The following LYSMD3 variants were observed in gnomAD, a reference collection of about 807,000 sequenced individuals.
LYSMD3 encodes the protein lysM and putative peptidoglycan-binding domain-containing protein 3.
A neutral mutation model predicts 26.1 loss-of-function variants in LYSMD3; 13 were observed. That is an observed-to-expected ratio of 0.50 (90% CI 0.32 to 0.79). The LOEUF (loss-of-function observed/expected upper bound fraction) is 0.79, where lower values mean the gene tolerates loss of function less well. Ranked by LOEUF, LYSMD3 falls within the 30% of genes least tolerant of loss-of-function variation. The pLI, the probability that LYSMD3 is intolerant of heterozygous loss-of-function variation, is 0.03. For missense variants in LYSMD3, 331 were observed against 362.5 expected (o/e 0.91, Z 0.71); for synonymous variants, 109 against 119.4 (o/e 0.91, Z 0.57).
Position 90,525,104 on chromosome 5 carries a change from A to C in LYSMD3, c.186T>G (p.Ile62Met), listed in dbSNP as rs1206019883. ...CTTGTATATCTTTTGTTAATACTAT[A>C]ATGTCGTCAAGTCTATCTCTTGATG... ...RSTSRDRLDD[I>M]IVLTKDIQEG... The change falls in exon 2 of 3, where the codon ATT (isoleucine) becomes ATG (methionine). Residue 62 changes from isoleucine (I) to methionine (M), a missense_variant. By Grantham distance (10) the Ile-to-Met change is conservative. Transcript: ENST00000315948. 6.2e-7 allele frequency: 1 copy of C among 1,613,768 alleles called. No individual in the cohort carries two copies. Among genetic ancestry groups the C allele is most frequent in the South Asian group, 1.1e-5 (1 of 91,050 alleles).
In LYSMD3 at chr5:90,519,339, G is replaced by A. The variant is rs747603785; in HGVS notation, c.401C>T (p.Ser134Phe). The change falls in exon 3 of 3, where the codon TCT becomes TTT. Residue 134 changes from serine to phenylalanine, a missense_variant. Around this residue, in one of 3 missense-constraint regions of LYSMD3, gnomAD observed 262 missense variants for 267.3 expected, o/e 0.98. Transcript: ENST00000315948. ...CTGTTGTTCGGAAGAGTATTGAACA[G>A]ATGAATGACGTGAAGTCTGTCTTCC... ...PKGRQTSRHS[S>F]VQYSSEQQEI... is the part of the protein sequence containing the mutation. 3 of 1,613,982 alleles carry A rather than the reference G, an allele frequency of 1.9e-6. No homozygotes were observed. The African/African-American group carries it at 4.0e-5, about 22-fold the overall frequency.
chr5:90,524,532 A>T (rs2151921990), intron 2 of LYSMD3, among the ~76,000 whole-genome samples: 1 of 152,390 alleles, frequency 6.6e-6, no homozygotes, highest in South Asian at 2.1e-4. Flanking sequence ...AAATACACAG[A>T]AATTCAAGTA....
chr5:90,519,321 T>C lies in LYSMD3; in HGVS notation c.419A>G (p.Glu140Gly). Residue 140 changes from glutamate (E) to glycine (G), a missense_variant, in exon 3 of 3, where the codon GAA (glutamate) becomes GGA (glycine). By Grantham distance (98) the Glu-to-Gly change is moderately conservative (BLOSUM62 -2). Around this residue, in one of 3 missense-constraint regions of LYSMD3, gnomAD observed 262 missense variants for 267.3 expected, o/e 0.98. Coordinates refer to ENST00000315948, the MANE Select transcript of LYSMD3 (RefSeq NM_198273.2). ...ATTAGCTGGCAAAATTTCCTGTTGT[T>C]CGGAAGAGTATTGAACAGATGAATG... is the stretch of plus-strand genomic sequence containing the variant. ...SRHSSVQYSS[E>G]QQEILPANDS... 1 of 1,614,134 alleles carries C rather than the reference T, an allele frequency of 6.2e-7. No individual in the cohort carries two copies. Among genetic ancestry groups the C allele is most frequent in the Non-Finnish European group, 8.5e-7 (1 of 1,180,010 alleles).
intron 2 of LYSMD3, among the ~76,000 whole-genome samples, chr5:90,519,761 T>C (rs2151920781): frequency 6.6e-6 from 1 of 152,248 alleles, no homozygotes; most frequent in Non-Finnish European, 1.5e-5. Flanking sequence ...AATCCTTTGC[T>C]GCTTCCCTTT....
intron 2 of LYSMD3, among the ~76,000 whole-genome samples, chr5:90,522,895 G>T (rs934809750): frequency 6.6e-6 from 1 of 152,032 alleles, no homozygotes; most frequent in Non-Finnish European, 1.5e-5. Flanking sequence ...CACCTCATTG[G>T]AAATATGACC....
At chr5:90,524,469 A>G (rs1215535373) in intron 2 of LYSMD3, among the ~76,000 whole-genome samples, 2 of 152,244 alleles carry the variant, frequency 1.3e-5, no homozygotes, top group African/African-American at 4.8e-5. Context: ...TACCATTTGA[A>G]TAAGAAGATA....
chr5:90,527,020 G>A (rs923139692), intron 1 of LYSMD3: 17 of 152,124 alleles, frequency 1.1e-4, no homozygotes, highest in African/African-American at 4.1e-4. Flanking sequence ...TATGGATAAG[G>A]AGTGTCCAGA....
intron 2 of LYSMD3, chr5:90,520,280 T>C (rs1753056271): frequency 4.9e-6 from 2 of 410,246 alleles, no homozygotes; most frequent in South Asian, 3.6e-5. Flanking sequence ...GTCTGGCAGA[T>C]TACCAATTGG....
At chr5:90,521,479 T>G (rs916513936) in intron 2 of LYSMD3, among the ~76,000 whole-genome samples, 4 of 151,940 alleles carry the variant, frequency 2.6e-5, no homozygotes, top group African/African-American at 9.7e-5. Flanking sequence ...TATCTTGCAA[T>G]GTATGTGTGG....
intron 2 of LYSMD3, among the ~76,000 whole-genome samples, chr5:90,522,432 C>G (rs1753116273): frequency 6.6e-6 from 1 of 152,190 alleles, no homozygotes; most frequent in African/African-American, 2.4e-5. Context: ...CATTTAAGTA[C>G]TTTTCATCAT....
intron 2 of LYSMD3, among the ~76,000 whole-genome samples, chr5:90,523,944 G>A (rs1374032750): frequency 6.6e-6 from 1 of 152,094 alleles, no homozygotes; most frequent in Non-Finnish European, 1.5e-5. Context: ...TAATGACACA[G>A]AGAGAAAATG....
Position 90,517,711 on chromosome 5 carries a change from TA to T in LYSMD3, c.*1107del, listed in dbSNP as rs2151920164. 2 of 152,380 alleles carry T rather than the reference TA, an allele frequency of 1.3e-5. No individual in the cohort carries two copies. The highest frequency in any genetic ancestry group is 4.1e-4 in the South Asian group (2 of 4,824). 9.4% of individuals were successfully genotyped at this position (152,380 alleles called of 1,614,324 possible). On this transcript the variant is annotated 3_prime_UTR_variant, in exon 3 of 3. Transcript: ENST00000315948. ...AAACAGAGGTTAAGGGATTACTAAA[TA>T]ATTTGTCTGTTACTGCTAATATAAA...
rs1753017643 is a variant in LYSMD3 at position 90,518,958 on chromosome 5, G to T, written c.782C>A (p.Ser261Ter). Residue 261 changes from serine (S) to a stop codon, truncating the protein, a stop_gained, in exon 3 of 3, where the codon TCA becomes TAA. Transcript: ENST00000315948. LOFTEE classifies it high-confidence loss of function. ...CTGCTGTGATGGGGGTGTGATTTTT[G>T]AATGTAAATGTGAAGAGTCCACTGT... is the stretch of plus-strand genomic sequence containing the variant. ...HSTVDSSHLH[S>*]KITPPSQQRE... is the part of the protein sequence containing the mutation. 2 of 1,613,952 alleles carry T rather than the reference G, an allele frequency of 1.2e-6. No homozygotes were observed. The highest frequency in any genetic ancestry group is 1.1e-5 in the South Asian group (1 of 91,078).
Position 90,519,343 on chromosome 5 carries a change from A to C in LYSMD3, c.397T>G (p.Ser133Ala). ...TGTTCGGAAGAGTATTGAACAGATG[A>C]ATGACGTGAAGTCTGTCTTCCTTTT... Reference protein sequence around the residue: ...PPKGRQTSRHSSVQYSSEQQE... With the variant: ...PPKGRQTSRHASVQYSSEQQE... The change falls in exon 3 of 3, where the codon TCA becomes GCA. Residue 133 changes from serine to alanine, a missense_variant. Physicochemically the swap from Ser to Ala is moderately conservative, Grantham distance 99. Transcript: ENST00000315948. 6.2e-7 allele frequency: 1 copy of C among 1,614,110 alleles called. No individual in the cohort carries two copies.
chr5:90,519,200 C>T lies in LYSMD3; in HGVS notation c.540G>A (p.Glu180=), dbSNP rs1205017042. The change falls in exon 3 of 3, where the codon GAG becomes GAA. Residue 180 remains glutamate (E), a synonymous_variant. Coordinates refer to ENST00000315948, the MANE Select transcript of LYSMD3 (RefSeq NM_198273.2). ...QIVKCTDNKR[E]NLNEVVSALT... is the part of the protein sequence containing the mutation. ...AGGCCGATACTACCTCATTGAGGTT[C>T]TCTCTCTTATTGTCTGTACACTTTA... 1 of 1,613,862 alleles carries T rather than the reference C, an allele frequency of 6.2e-7. No individual in the cohort carries two copies. Among genetic ancestry groups the T allele is most frequent in the Admixed American group, 1.7e-5 (1 of 59,986 alleles).
At chr5:90,523,285 TTTA>T (rs1316319209) in intron 2 of LYSMD3, among the ~76,000 whole-genome samples, 2 of 152,138 alleles carry the variant, frequency 1.3e-5, no homozygotes, top group African/African-American at 4.8e-5. Context: ...AATAAAATAT[TTTA>T]TTAAATTTTA....
intron 1 of LYSMD3, chr5:90,527,147 C>CAAAA (rs1753242587): frequency 6.6e-6 from 1 of 151,964 alleles, no homozygotes; most frequent in Non-Finnish European, 1.5e-5. Flanking sequence ...AACAAACAAA[C>CAAAA]AAAAAACAGA....
rs754062518 is a variant in LYSMD3, at chr5:90,518,902, T to TA, written c.837dup (p.Lys280Ter). ...TCTTGTTGGCTGAAATGTATTCCTT[T>TA]AGTTGGCACAATTCCATTTTCCATT... is the stretch of plus-strand genomic sequence containing the variant. On this transcript the variant is annotated frameshift_variant, in exon 3 of 3. Coordinates refer to ENST00000315948, the MANE Select transcript of LYSMD3 (RefSeq NM_198273.2). LOFTEE classifies it high-confidence loss of function. 1.2e-6 allele frequency: 2 copies of TA among 1,614,102 alleles called. No individual in the cohort carries two copies. The highest frequency in any genetic ancestry group is 3.3e-5 in the Admixed American group (2 of 60,018).
In LYSMD3 at chr5:90,519,388, T is replaced by C. The variant is rs1753032991; in HGVS notation, c.352A>G (p.Thr118Ala). Residue 118 changes from threonine to alanine, a missense_variant, in exon 3 of 3, where the codon ACC becomes GCC. Physicochemically the swap from Thr to Ala is moderately conservative, Grantham distance 58. Transcript: ENST00000315948. Reference protein sequence around the residue: ...KIPVKKFSSLTETLCPPKGRQ... With the variant: ...KIPVKKFSSLAETLCPPKGRQ... The stretch of plus-strand genomic sequence containing the variant: ...CCTTTTGGAGGACAAAGTGTTTCGG[T>C]CAAGGAACTGAACTTTTTTACTGGA... The C allele has an allele frequency of 1.2e-6, 2 of 1,613,920 alleles. No homozygotes were observed. Among genetic ancestry groups the C allele is most frequent in the Non-Finnish European group, 1.7e-6 (2 of 1,179,962 alleles).
Sources: allele counts gnomAD v4.1 joint callset (sites outside exome capture counted in the v4.1 genomes callset), GRCh38; gene constraint gnomAD v4.1.1; regional missense constraint gnomAD v4.1.1; transcripts MANE v1.5; gene names NCBI Gene and HGNC (gene_info 2026-07-23, HGNC 2026-07-21).